MAF: variants seen among roughly 807,000 people sequenced by gnomAD.
MAF encodes the protein MAF bZIP transcription factor.
Under a neutral mutation model 22.0 loss-of-function variants are expected in MAF, and 10 were observed. The ratio of observed to expected loss-of-function variants is 0.45; its 90% CI spans 0.28 to 0.77. The LOEUF is 0.77. MAF is among the 30% of genes least tolerant of loss of function. The probability of loss-of-function intolerance (pLI) is 0.12; values close to 1 mark genes in which losing one functional copy is unlikely to be tolerated. For synonymous variants in MAF, 337 were observed against 255.8 expected, an observed-to-expected ratio of 1.32 and a Z score of -3.03; for missense variants, 544 against 548.4, an observed-to-expected ratio of 0.99 and a Z score of 0.08.
the MAF span, among the ~76,000 whole-genome samples, chr16:79,451,535 G>A: frequency 2.0e-5 from 3 of 152,222 alleles, no homozygotes; most frequent in Admixed American, 6.5e-5. Context: ...GTTATTTTGC[G>A]GTTCAAGCTA....
the MAF span, among the ~76,000 whole-genome samples, chr16:79,568,284 G>T: frequency 6.6e-6 from 1 of 152,172 alleles, no homozygotes; most frequent in African/African-American, 2.4e-5. Flanking sequence ...ATGGTCCCTG[G>T]TGTCTTCCAC....
At chr16:79,330,984 G>T in the MAF span, among the ~76,000 whole-genome samples, 1 of 152,316 alleles carries the variant, frequency 6.6e-6, no homozygotes, top group East Asian at 1.9e-4. Context: ...GCGAACAATG[G>T]TAAGAAGCCA....
At chr16:79,207,659 CTCTT>C in the MAF span, among the ~76,000 whole-genome samples, 18 of 152,154 alleles carry the variant, frequency 1.2e-4, no homozygotes, top group South Asian at 4.2e-4. Flanking sequence ...CAGGAATCTC[CTCTT>C]TCTTTTAAAT....
At chr16:79,563,178 C>T in the MAF span, among the ~76,000 whole-genome samples, 11,626 of 152,214 alleles carry the variant, frequency 0.076, 577 homozygotes, top group Non-Finnish European at 0.12. Context: ...AAAGCTAAAC[C>T]TCAATCTGGC....
chr16:79,260,814 G>T, the MAF span, among the ~76,000 whole-genome samples: 3 of 151,826 alleles, frequency 2.0e-5, no homozygotes, highest in Non-Finnish European at 4.4e-5. Flanking sequence ...AGATGTTATT[G>T]CTTAGAGTGA....
the MAF span, among the ~76,000 whole-genome samples, chr16:79,414,104 A>G: frequency 6.6e-6 from 1 of 152,202 alleles, no homozygotes; most frequent in Non-Finnish European, 1.5e-5. Context: ...TGTATACCTC[A>G]TACATTCTCT....
At chr16:79,211,034 A>AGTGTGTGTGTGTGTGTGTGTGTGT in the MAF span, among the ~76,000 whole-genome samples, 57 of 149,714 alleles carry the variant, frequency 3.8e-4, 1 homozygote, top group Non-Finnish European at 6.8e-4. Flanking sequence ...TATGGTGAGG[A>AGTGTGTGTGTGTGTGTGTGTGTGT]GTGTGTGTGT....
the MAF span, among the ~76,000 whole-genome samples, chr16:79,541,669 T>G: frequency 6.7e-6 from 1 of 148,398 alleles, no homozygotes; most frequent in Non-Finnish European, 1.5e-5. Flanking sequence ...TTAGTTTTTT[T>G]TTTTTTTTTT....
At chr16:79,246,503 C>G in the MAF span, among the ~76,000 whole-genome samples, 1 of 121,764 alleles carries the variant, frequency 8.2e-6, no homozygotes, top group Admixed American at 9.8e-5. Context: ...TTTGAGTTCC[C>G]TTTGATATGT....
the MAF span, among the ~76,000 whole-genome samples, chr16:79,505,419 G>C: frequency 6.6e-6 from 1 of 152,156 alleles, no homozygotes; most frequent in Non-Finnish European, 1.5e-5. Flanking sequence ...CGGGACAGGG[G>C]GGAAGCTTGT....
At chr16:79,562,451 G>A in the MAF span, among the ~76,000 whole-genome samples, 29 of 152,286 alleles carry the variant, frequency 1.9e-4, no homozygotes, top group Non-Finnish European at 3.2e-4. Context: ...ACCTATAGGA[G>A]TCAGAGATAT....
chr16:79,414,716 T>C, the MAF span, among the ~76,000 whole-genome samples: 1 of 152,188 alleles, frequency 6.6e-6, no homozygotes. Flanking sequence ...TAAGGAAAGA[T>C]GCAGCTGGGA....
chr16:79,340,232 G>C, the MAF span, among the ~76,000 whole-genome samples: 1 of 151,954 alleles, frequency 6.6e-6, no homozygotes, highest in Non-Finnish European at 1.5e-5. Flanking sequence ...GAGATAACAG[G>C]AGAGCAGCAC....
chr16:79,249,862 A>G, the MAF span, among the ~76,000 whole-genome samples: 1 of 151,580 alleles, frequency 6.6e-6, no homozygotes, highest in Non-Finnish European at 1.5e-5. Flanking sequence ...ATATTCCTTG[A>G]GTCTGTAACA....
chr16:79,582,070 T>A (rs1009590447), downstream of MAF, among the ~76,000 whole-genome samples: 6 of 152,188 alleles, frequency 3.9e-5, no homozygotes, highest in Non-Finnish European at 7.3e-5. Context: ...GCCATTTTCC[T>A]AAGAGTGCAA....
the MAF span, among the ~76,000 whole-genome samples, chr16:79,524,512 C>CA: frequency 6.6e-6 from 1 of 152,214 alleles, no homozygotes. Context: ...CATTCATCAG[C>CA]AATTTTGAGG....
chr16:79,387,718 A>G, the MAF span, among the ~76,000 whole-genome samples: 3 of 152,232 alleles, frequency 2.0e-5, no homozygotes, highest in Non-Finnish European at 4.4e-5. Context: ...TAATGTTTAT[A>G]TTGAGAATAT....
the MAF span, among the ~76,000 whole-genome samples, chr16:79,211,281 A>G: frequency 6.6e-6 from 1 of 152,218 alleles, no homozygotes; most frequent in African/African-American, 2.4e-5. Flanking sequence ...TTGCACGTTC[A>G]GAAGGATACC....
At chr16:79,267,930 G>C in the MAF span, among the ~76,000 whole-genome samples, 3 of 152,240 alleles carry the variant, frequency 2.0e-5, no homozygotes, top group East Asian at 3.9e-4. Context: ...AGGTGCCTGG[G>C]GGTGTGGGCG....
Sources: allele counts gnomAD v4.1 joint callset (sites outside exome capture counted in the v4.1 genomes callset), GRCh38; gene constraint gnomAD v4.1.1; transcripts MANE v1.5; gene names NCBI Gene and HGNC (gene_info 2026-07-23, HGNC 2026-07-21).